Variants in DERA observed in about 807,000 individuals in gnomAD.
DERA encodes 2-deoxy-D-ribose 5-phosphate aldolase.
DERA carries 15 observed loss-of-function variants against 41.1 expected under a neutral mutation model. The ratio of observed to expected loss-of-function variants is 0.37; its 90% CI spans 0.24 to 0.56. The LOEUF (loss-of-function observed/expected upper bound fraction) is 0.56. DERA is among the 20% of genes least tolerant of loss of function. The pLI, the probability that DERA is intolerant of heterozygous loss-of-function variation, is 0.81. For missense variants in DERA, 396 were observed against 403.4 expected (o/e 0.98, Z 0.16); for synonymous variants, 139 against 137.4 (o/e 1.01, Z -0.08).
chr12:15,914,286 G>C (rs956369710), intron 1 of DERA, among the ~76,000 whole-genome samples: 1 of 151,960 alleles, frequency 6.6e-6, no homozygotes, highest in Non-Finnish European at 1.5e-5. Flanking sequence ...GGAAGCTGAG[G>C]TACGAGAATC....
intron 1 of DERA, among the ~76,000 whole-genome samples, chr12:15,919,944 G>A (rs1253569988): frequency 6.6e-6 from 1 of 151,652 alleles, no homozygotes; most frequent in Non-Finnish European, 1.5e-5. Flanking sequence ...TCCGCCTAAT[G>A]GACTGCCCCA....
rs1948569677 is a variant in DERA, at chr12:15,959,823, T to G, written c.278-6T>G. The G allele has an allele frequency of 6.5e-7, 1 of 1,531,514 alleles. No individual in the cohort carries two copies. Among genetic ancestry groups the G allele is most frequent in the Non-Finnish European group, 8.8e-7 (1 of 1,131,828 alleles). 94.9% of individuals were successfully genotyped at this position (1,531,514 alleles called of 1,614,324 possible). A position where few individuals can be genotyped will look rare whatever the true frequency, so the allele number is the denominator to read the frequency against. On this transcript the variant is annotated splice_polypyrimidine_tract_variant and splice_region_variant and intron_variant, in intron 3 of 8. Coordinates refer to ENST00000428559, the MANE Select transcript of DERA (RefSeq NM_015954.4). This position sits in a 1 kb window ranked among gnomAD's most constrained non-coding sequence, Gnocchi z 4.5. ...AAAGTTGGCTATTCCTATTTTTTCT[T>G]GATAGGCATTACTACAGCCGCCGTT...
chr12:16,033,176 T>C (rs1949104442), intron 7 of DERA: 1 of 152,674 alleles, frequency 6.5e-6, no homozygotes, highest in African/African-American at 2.4e-5. Flanking sequence ...GTTTTTCTGT[T>C]GGGAAACCCC....
chr12:15,934,307 C>G (rs997137489), intron 1 of DERA, among the ~76,000 whole-genome samples: 1 of 152,136 alleles, frequency 6.6e-6, no homozygotes, highest in East Asian at 1.9e-4. Flanking sequence ...TTACAATAGG[C>G]CCTGCGCGGT....
rs2136163948 is a variant in DERA at position 15,984,766 on chromosome 12, C to T, written c.637+2330C>T. On this transcript the variant is annotated intron_variant, in intron 6 of 8. Transcript: ENST00000428559. The surrounding 1 kb of genome is among the most constrained non-coding windows in gnomAD (Gnocchi z 4.5). ...ATATATGAAAGCATGTAGCATACTTCCTGGCCTATAGTTTATACTTCCTAC... is the reference window on the plus strand; with the variant it reads ...ATATATGAAAGCATGTAGCATACTTTCTGGCCTATAGTTTATACTTCCTAC... Among the ~76,000 whole-genome samples the T allele has an allele frequency of 6.6e-6, 1 of 152,198 alleles. No homozygotes were observed. Among genetic ancestry groups the T allele is most frequent in the Non-Finnish European group, 1.5e-5 (1 of 68,004 alleles).
In DERA at chr12:15,996,157, ATGTGTGTG is replaced by A. The variant is rs34468299; in HGVS notation, c.637+13749_637+13756del. On this transcript the variant is annotated intron_variant, in intron 6 of 8. Coordinates refer to ENST00000428559, the MANE Select transcript of DERA (RefSeq NM_015954.4). The surrounding 1 kb of genome is among the most constrained non-coding windows in gnomAD (Gnocchi z 4.7). The stretch of plus-strand genomic sequence containing the variant: ...GCAGACACAGACACACACACAGAGC[ATGTGTGTG>A]TGTGTGTGTGTGTGTGTGTGTGTGT... 0.058 allele frequency among the ~76,000 whole-genome samples: 8,454 copies of A among 145,092 alleles called. 317 individuals are homozygous for A. The highest frequency in any genetic ancestry group is 0.097 in the Middle Eastern group (28 of 288).
intron 1 of DERA, among the ~76,000 whole-genome samples, chr12:15,925,820 G>A (rs2136127150): frequency 6.9e-6 from 1 of 143,902 alleles, no homozygotes; most frequent in South Asian, 2.2e-4. Flanking sequence ...CAACTCCTGA[G>A]GCTTTTTTTT....
chr12:15,988,880 G>A lies in DERA; in HGVS notation c.637+6444G>A, dbSNP rs1207922152. On this transcript the variant is annotated intron_variant, in intron 6 of 8. Transcript: ENST00000428559. This position sits in a 1 kb window ranked among gnomAD's most constrained non-coding sequence, Gnocchi z 6.0. ...TGGCCTTTCTCCTATGCTTGTTGTC[G>A]CCCAAAGTCCAGAGGGGGCCAAGGC... 3.3e-5 allele frequency among the ~76,000 whole-genome samples: 5 copies of A among 152,146 alleles called. No individual in the cohort carries two copies. The highest frequency in any genetic ancestry group is 5.9e-5 in the Non-Finnish European group (4 of 68,022).
At chr12:16,033,472 G>A (rs1949106562) in intron 7 of DERA, among the ~76,000 whole-genome samples, 1 of 152,108 alleles carries the variant, frequency 6.6e-6, no homozygotes, top group African/African-American at 2.4e-5. Context: ...AAATGCGTAT[G>A]AGTTGCTTTT....
rs1948864538 is a variant in DERA, at chr12:16,000,090, G to A, written c.637+17654G>A. ...GGGCAAATTTGATTGTGCTTGGTGAGTGATTGCATGCTGAGCAGGGAAGGG... is the reference window on the plus strand; with the variant it reads ...GGGCAAATTTGATTGTGCTTGGTGAATGATTGCATGCTGAGCAGGGAAGGG... On this transcript the variant is annotated intron_variant, in intron 6 of 8. Coordinates refer to ENST00000428559, the MANE Select transcript of DERA (RefSeq NM_015954.4). This position sits in a 1 kb window ranked among gnomAD's most constrained non-coding sequence, Gnocchi z 4.8. Among the ~76,000 whole-genome samples, 1 of 152,186 alleles carries A rather than the reference G, an allele frequency of 6.6e-6. No individual in the cohort carries two copies. The highest frequency in any genetic ancestry group is 1.5e-5 in the Non-Finnish European group (1 of 68,040).
chr12:15,972,192 T>G lies in DERA; in HGVS notation c.508+9245T>G, dbSNP rs1948666028. On this transcript the variant is annotated intron_variant, in intron 5 of 8. Coordinates refer to ENST00000428559, the MANE Select transcript of DERA (RefSeq NM_015954.4). This position sits in a 1 kb window ranked among gnomAD's most constrained non-coding sequence, Gnocchi z 4.4. ...GGTGCAGCAGCCATCGTTGTTGAGG[T>G]GTCCACATGATGAATGTAACCTATT... 1 of 162,752 alleles carries G rather than the reference T, an allele frequency of 6.1e-6. No individual in the cohort carries two copies. Among genetic ancestry groups the G allele is most frequent in the South Asian group, 1.7e-4 (1 of 6,004 alleles). 10.1% of individuals were successfully genotyped at this position (162,752 alleles called of 1,614,324 possible).
chr12:16,025,796 T>G (rs1290055395), intron 6 of DERA, among the ~76,000 whole-genome samples: 1 of 152,118 alleles, frequency 6.6e-6, no homozygotes, highest in Admixed American at 6.5e-5. Context: ...GACCACATTC[T>G]GGTCCATAAA....
Position 16,021,785 on chromosome 12 carries a change from C to T in DERA, c.638-10757C>T, listed in dbSNP as rs78843355. Among the ~76,000 whole-genome samples, 1,613 of 152,292 alleles carry T rather than the reference C, an allele frequency of 0.011. 21 individuals are homozygous for T. The highest frequency in any genetic ancestry group is 0.017 in the Non-Finnish European group (1,142 of 68,018). ...CTTGTATGAGGCCTATAGCGCACCCCTCCCCCTTTTTTGGCTGATTTCTCC... is the reference window on the plus strand; with the variant it reads ...CTTGTATGAGGCCTATAGCGCACCCTTCCCCCTTTTTTGGCTGATTTCTCC... On this transcript the variant is annotated intron_variant, in intron 6 of 8. Transcript: ENST00000428559. This position sits in a 1 kb window ranked among gnomAD's most constrained non-coding sequence, Gnocchi z 5.3.
chr12:15,950,528 C>T (rs553772095), intron 1 of DERA, among the ~76,000 whole-genome samples: 1 of 152,298 alleles, frequency 6.6e-6, no homozygotes, highest in South Asian at 2.1e-4. Context: ...ACTTAGAATG[C>T]CTTAACCATC....
At position 15,989,220 on chromosome 12, in the gene DERA, G is replaced by A. The variant is rs141880196; in HGVS notation, c.637+6784G>A. On this transcript the variant is annotated intron_variant, in intron 6 of 8. Coordinates refer to ENST00000428559, the MANE Select transcript of DERA (RefSeq NM_015954.4). This position sits in a 1 kb window ranked among gnomAD's most constrained non-coding sequence, Gnocchi z 5.2. ...TGTTCCCAGACCTCACCAGCTCCAC[G>A]GAGTGTGCAGCCCTAGCCACGCCTC... Among the ~76,000 whole-genome samples, 451 of 152,310 alleles carry A rather than the reference G, an allele frequency of 3.0e-3. 3 individuals carry two copies. In the East Asian group the frequency reaches 0.034, roughly 11 times the overall value.
chr12:15,996,992 A>C lies in DERA; in HGVS notation c.637+14556A>C, dbSNP rs1180200958. The stretch of plus-strand genomic sequence containing the variant: ...ATTTGCTTATGAGCAAGAGACAGAT[A>C]CTAACAGTAGAAGGAAATACTTTTT... On this transcript the variant is annotated intron_variant, in intron 6 of 8. Coordinates refer to ENST00000428559, the MANE Select transcript of DERA (RefSeq NM_015954.4). This position sits in a 1 kb window ranked among gnomAD's most constrained non-coding sequence, Gnocchi z 4.7. 6.6e-6 allele frequency among the ~76,000 whole-genome samples: 1 copy of C among 152,236 alleles called. No individual in the cohort carries two copies. The highest frequency in any genetic ancestry group is 6.5e-5 in the Admixed American group (1 of 15,288).
chr12:16,006,735 C>CT (rs1948913438), intron 6 of DERA, among the ~76,000 whole-genome samples: 1 of 152,262 alleles, frequency 6.6e-6, no homozygotes, highest in African/African-American at 2.4e-5. Flanking sequence ...ACTTATTTAT[C>CT]AGTGCTGAGC....
chr12:15,953,413 A>G (rs995546122), intron 1 of DERA, among the ~76,000 whole-genome samples: 1 of 152,194 alleles, frequency 6.6e-6, no homozygotes, highest in Non-Finnish European at 1.5e-5. Flanking sequence ...GTAAAGTTGC[A>G]GGGAAAATGA....
chr12:16,028,235 A>G (rs1357583689), intron 6 of DERA, among the ~76,000 whole-genome samples: 1 of 152,158 alleles, frequency 6.6e-6, no homozygotes, highest in Non-Finnish European at 1.5e-5. Context: ...TAGTCTCAGA[A>G]AGTAAGTGCT....
Sources: allele counts gnomAD v4.1 joint callset (sites outside exome capture counted in the v4.1 genomes callset), GRCh38; gene constraint gnomAD v4.1.1; non-coding constraint Gnocchi (gnomAD v3.1); transcripts MANE v1.5; gene names NCBI Gene and HGNC (gene_info 2026-07-23, HGNC 2026-07-21).